Variants in MECOM observed in about 807,000 individuals in gnomAD.
MECOM encodes histone-lysine N-methyltransferase MECOM.
In MECOM, 13 loss-of-function variants were observed where a neutral mutation model predicts 116.3. The ratio of observed to expected loss-of-function variants is 0.11; its 90% CI spans 0.07 to 0.18. The LOEUF is 0.18. Ranked by LOEUF, MECOM falls within the 10% of genes least tolerant of loss-of-function variation. The pLI is 1.00. For synonymous variants in MECOM, 528 were observed against 535.2 expected (o/e 0.99, Z 0.19); for missense variants, 1,299 against 1,509.0 (o/e 0.86, Z 2.31).
chr3:169,337,110 A>T (rs888146299), intron 2 of MECOM, among the ~76,000 whole-genome samples: 7 of 152,204 alleles, frequency 4.6e-5, no homozygotes, highest in African/African-American at 1.7e-4. Flanking sequence ...ATGGAAAATA[A>T]CTACTTATGT....
At position 169,191,729 on chromosome 3, in the gene MECOM, AAAGAAAGAAAG is replaced by A. The variant is rs1450873975; in HGVS notation, c.376-47908_376-47898del. On this transcript the variant is annotated intron_variant, in intron 2 of 16. Transcript: ENST00000651503. ...GAAAGAAAGAAAGAAAAAAAGAAAG[AAAGAAAGAAAG>A]AGAAAGAAAGAAAGAAAGAAAGAAA... Among the ~76,000 whole-genome samples, 29 of 34,570 alleles carry A rather than the reference AAAGAAAGAAAG, an allele frequency of 8.4e-4. 1 individual carries two copies. The highest frequency in any genetic ancestry group is 1.9e-3 in the African/African-American group (28 of 15,088). 22.7% of individuals were successfully genotyped at this position (34,570 alleles called of 152,430 possible).
chr3:169,220,575 A>G (rs754442898), intron 2 of MECOM, among the ~76,000 whole-genome samples: 5 of 152,082 alleles, frequency 3.3e-5, no homozygotes, highest in Admixed American at 6.6e-5. Context: ...CCCAGGTTCT[A>G]GCGATTCTCC....
In MECOM at chr3:169,218,428, A is replaced by C. The variant is rs530914694; in HGVS notation, c.376-74596T>G. On this transcript the variant is annotated intron_variant, in intron 2 of 16. Transcript: ENST00000651503. ...AAAGTTACTTCGGGCAATGATCCCA[A>C]TAATGCCACAGCTTGGGTGGGAAGT... 2.0e-5 allele frequency among the ~76,000 whole-genome samples: 3 copies of C among 152,322 alleles called. No individual in the cohort carries two copies. The South Asian group carries it at 6.2e-4, about 32-fold the overall frequency.
intron 1 of MECOM, among the ~76,000 whole-genome samples, chr3:169,392,516 A>G (rs546448684): frequency 6.6e-6 from 1 of 152,298 alleles, no homozygotes; most frequent in Admixed American, 6.5e-5. Flanking sequence ...TTATTCAATA[A>G]ATACCACGTT....
At chr3:169,306,187 G>A (rs1204097120) in intron 2 of MECOM, among the ~76,000 whole-genome samples, 1 of 151,860 alleles carries the variant, frequency 6.6e-6, no homozygotes, top group African/African-American at 2.4e-5. Flanking sequence ...ATCTTCCTTT[G>A]TATAATTATA....
At chr3:169,166,140 G>A (rs1743558406) in intron 2 of MECOM, among the ~76,000 whole-genome samples, 1 of 152,174 alleles carries the variant, frequency 6.6e-6, no homozygotes, top group South Asian at 2.1e-4. Context: ...GGTAACGCTT[G>A]CAGCAGCGGT....
chr3:169,103,185 G>A (rs1724179069), intron 10 of MECOM, among the ~76,000 whole-genome samples: 1 of 151,366 alleles, frequency 6.6e-6, no homozygotes, highest in African/African-American at 2.4e-5. Flanking sequence ...GGCTGGTCTT[G>A]AACTCCTGGT....
intron 1 of MECOM, among the ~76,000 whole-genome samples, chr3:169,429,630 A>G (rs186191912): frequency 6.6e-6 from 1 of 152,346 alleles, no homozygotes; most frequent in African/African-American, 2.4e-5. Context: ...ATCCTAACTC[A>G]TACATGTCCA....
At chr3:169,244,512 C>T (rs1755323918) in intron 2 of MECOM, among the ~76,000 whole-genome samples, 1 of 152,212 alleles carries the variant, frequency 6.6e-6, no homozygotes, top group African/African-American at 2.4e-5. Flanking sequence ...TCTTTGTTCT[C>T]CTTCTCACTT....
chr3:169,579,436 A>T (rs539799680), intron 1 of MECOM, among the ~76,000 whole-genome samples: 89 of 152,230 alleles, frequency 5.8e-4, no homozygotes, highest in Non-Finnish European at 1.1e-3. Context: ...GCAGAAGGTG[A>T]TTAGAGTTAG....
rs1336425390 is a variant in MECOM at position 169,153,027 on chromosome 3, G to A, written c.376-9195C>T. Among the ~76,000 whole-genome samples, 6 of 152,048 alleles carry A rather than the reference G, an allele frequency of 3.9e-5. No individual in the cohort carries two copies. In the South Asian group the frequency reaches 1.0e-3, roughly 26 times the overall value. On this transcript the variant is annotated intron_variant, in intron 2 of 16. Transcript: ENST00000651503. ...TATTTTTTAAACTCCAGTTAAGGTT[G>A]CCATATTTAAAATATTTTTTGCTGG...
At chr3:169,600,841 T>C (rs1346449842) in intron 1 of MECOM, among the ~76,000 whole-genome samples, 1 of 152,192 alleles carries the variant, frequency 6.6e-6, no homozygotes, top group Non-Finnish European at 1.5e-5. Flanking sequence ...TTGAATAAAG[T>C]AAAAAGACTA....
intron 1 of MECOM, among the ~76,000 whole-genome samples, chr3:169,567,310 A>G (rs1763355967): frequency 6.6e-6 from 1 of 152,252 alleles, no homozygotes; most frequent in African/African-American, 2.4e-5. Context: ...GACAGTAAGT[A>G]AACCAAAATT....
intron 2 of MECOM, among the ~76,000 whole-genome samples, chr3:169,259,464 A>G (rs1757271082): frequency 6.6e-6 from 1 of 152,206 alleles, no homozygotes; most frequent in Admixed American, 6.5e-5. Flanking sequence ...ACAGTGGCTC[A>G]CACCTGTAAT....
chr3:169,374,140 CCT>C (rs372698429), intron 2 of MECOM, among the ~76,000 whole-genome samples: 23 of 147,790 alleles, frequency 1.6e-4, no homozygotes, highest in East Asian at 2.0e-4. Flanking sequence ...TCTCTCTCTC[CCT>C]CTCTCTCTCT....
At chr3:169,369,049 A>T (rs925597938) in intron 2 of MECOM, among the ~76,000 whole-genome samples, 1 of 151,994 alleles carries the variant, frequency 6.6e-6, no homozygotes, top group African/African-American at 2.4e-5. Context: ...ACTTGAGGAA[A>T]TTTTCTTAAA....
intron 2 of MECOM, among the ~76,000 whole-genome samples, chr3:169,149,003 A>G (rs937835426): frequency 6.6e-6 from 1 of 151,676 alleles, no homozygotes; most frequent in Non-Finnish European, 1.5e-5. Context: ...TGGGCGCTTG[A>G]GAACCTTTAA....
chr3:169,239,947 G>A (rs551733134), intron 2 of MECOM, among the ~76,000 whole-genome samples: 1 of 152,316 alleles, frequency 6.6e-6, no homozygotes, highest in South Asian at 2.1e-4. Context: ...GAATTCAACT[G>A]CTGAAGTTCA....
chr3:169,539,170 C>T (rs528350817), intron 1 of MECOM, among the ~76,000 whole-genome samples: 1 of 152,282 alleles, frequency 6.6e-6, no homozygotes, highest in African/African-American at 2.4e-5. Context: ...TTAGCAACTT[C>T]ACTTGATCTA....
Sources: allele counts gnomAD v4.1 joint callset (sites outside exome capture counted in the v4.1 genomes callset), GRCh38; gene constraint gnomAD v4.1.1; transcripts MANE v1.5; gene names NCBI Gene and HGNC (gene_info 2026-07-23, HGNC 2026-07-21).